FAM168A: variants seen among roughly 807,000 people sequenced by gnomAD.
FAM168A encodes family with sequence similarity 168 member A, also known as protein FAM168A.
FAM168A carries 3 observed loss-of-function variants against 28.5 expected under a neutral mutation model. That is an observed-to-expected ratio of 0.11 (90% CI 0.05 to 0.27). The LOEUF (loss-of-function observed/expected upper bound fraction) is 0.27. FAM168A is among the 10% of genes least tolerant of loss of function. The pLI is 1.00. For missense variants in FAM168A, 222 were observed against 311.5 expected (o/e 0.71, Z 2.16); for synonymous variants, 122 against 124.2 (o/e 0.98, Z 0.12).
chr11:73,489,028 G>A (rs1868092692), intron 1 of FAM168A, among the ~76,000 whole-genome samples: 1 of 151,722 alleles, frequency 6.6e-6, no homozygotes, highest in Admixed American at 6.6e-5. Flanking sequence ...AGCTGGGACT[G>A]TAAGTGTATG....
intron 2 of FAM168A, among the ~76,000 whole-genome samples, chr11:73,438,854 T>C (rs142594161): frequency 6.6e-6 from 1 of 152,274 alleles, no homozygotes; most frequent in East Asian, 1.9e-4. Flanking sequence ...AATCTGATCC[T>C]GAGCACAAAA....
chr11:73,574,458 C>T (rs1944146264), intron 1 of FAM168A, among the ~76,000 whole-genome samples: 1 of 152,160 alleles, frequency 6.6e-6, no homozygotes, highest in African/African-American at 2.4e-5. Flanking sequence ...TATCTAACTG[C>T]CCCTTAAACA....
At chr11:73,502,050 G>A (rs1440038130) in intron 1 of FAM168A, among the ~76,000 whole-genome samples, 1 of 149,364 alleles carries the variant, frequency 6.7e-6, no homozygotes, top group African/African-American at 2.5e-5. Flanking sequence ...GCAGTGAGCT[G>A]AGATTGCACC....
At chr11:73,503,804 A>G (rs1309178419) in intron 1 of FAM168A, among the ~76,000 whole-genome samples, 1 of 152,212 alleles carries the variant, frequency 6.6e-6, no homozygotes, top group Non-Finnish European at 1.5e-5. Flanking sequence ...TGCTACCAAA[A>G]CATAGAGACC....
intron 1 of FAM168A, among the ~76,000 whole-genome samples, chr11:73,527,642 G>C (rs903130075): frequency 6.6e-6 from 1 of 152,058 alleles, no homozygotes; most frequent in African/African-American, 2.4e-5. Context: ...ATTTTAATGA[G>C]AAAACTGAGG....
chr11:73,457,723 C>CAAAAAA (rs58142151), intron 2 of FAM168A, among the ~76,000 whole-genome samples: 203 of 37,414 alleles, frequency 5.4e-3, no homozygotes, highest in Admixed American at 7.0e-3. Context: ...GCCTGGGTGA[C>CAAAAAA]AAAAAAAAAA....
At chr11:73,416,943 C>T (rs1423826071) in intron 4 of FAM168A, among the ~76,000 whole-genome samples, 1 of 151,090 alleles carries the variant, frequency 6.6e-6, no homozygotes, top group East Asian at 1.9e-4. Flanking sequence ...AAGACCTTGT[C>T]TCAAAAAAAA....
At chr11:73,492,156 C>T (rs1868136460) in intron 1 of FAM168A, among the ~76,000 whole-genome samples, 1 of 152,084 alleles carries the variant, frequency 6.6e-6, no homozygotes, top group African/African-American at 2.4e-5. Context: ...ACGCCAAGCC[C>T]AATGTTCCTC....
chr11:73,554,467 A>G (rs1324467893), intron 1 of FAM168A, among the ~76,000 whole-genome samples: 2 of 151,894 alleles, frequency 1.3e-5, no homozygotes, highest in African/African-American at 4.8e-5. Context: ...AATAAATAGA[A>G]AAAAAACTTC....
intron 1 of FAM168A, among the ~76,000 whole-genome samples, chr11:73,573,495 A>G (rs550484968): frequency 2.9e-4 from 44 of 152,218 alleles, no homozygotes; most frequent in African/African-American, 1.0e-3. Context: ...TCTCATTTCC[A>G]CTATGCAGTT....
intron 4 of FAM168A, among the ~76,000 whole-genome samples, chr11:73,414,314 A>G (rs1866664336): frequency 6.6e-6 from 1 of 152,218 alleles, no homozygotes; most frequent in South Asian, 2.1e-4. Flanking sequence ...ACTGACAGAG[A>G]GCATATGGCC....
chr11:73,475,714 T>G (rs1177292516), intron 1 of FAM168A, among the ~76,000 whole-genome samples: 1 of 151,962 alleles, frequency 6.6e-6, no homozygotes, highest in East Asian at 1.9e-4. Flanking sequence ...TTAAGAACAG[T>G]GAAAATCCAT....
chr11:73,580,751 G>A (rs1429074044), intron 1 of FAM168A, among the ~76,000 whole-genome samples: 1 of 152,222 alleles, frequency 6.6e-6, no homozygotes, highest in Non-Finnish European at 1.5e-5. Flanking sequence ...CCAGTTTTGA[G>A]AGACTTCCTC....
chr11:73,538,683 GA>G (rs1943613671), intron 1 of FAM168A, among the ~76,000 whole-genome samples: 1 of 152,214 alleles, frequency 6.6e-6, no homozygotes, highest in African/African-American at 2.4e-5. Flanking sequence ...GCTTGTCAAA[GA>G]GCCTAAAACC....
intron 1 of FAM168A, among the ~76,000 whole-genome samples, chr11:73,493,557 C>T (rs912194308): frequency 2.0e-5 from 3 of 151,964 alleles, no homozygotes; most frequent in Admixed American, 6.6e-5. Context: ...CTGGGTCTAC[C>T]GACGTGTGCC....
intron 2 of FAM168A, among the ~76,000 whole-genome samples, chr11:73,445,417 C>CTTTT (rs1565248223): frequency 1.1e-5 from 1 of 92,180 alleles, no homozygotes. Context: ...GTAAAAATGT[C>CTTTT]TCTTTTTTTT....
intron 1 of FAM168A, among the ~76,000 whole-genome samples, chr11:73,523,104 G>A (rs1303373149): frequency 3.3e-5 from 5 of 152,058 alleles, no homozygotes; most frequent in African/African-American, 1.2e-4. Context: ...AACATCACCA[G>A]CAAACACTCC....
intron 1 of FAM168A, among the ~76,000 whole-genome samples, chr11:73,576,211 C>A (rs1273922754): frequency 2.0e-5 from 3 of 152,162 alleles, no homozygotes; most frequent in Admixed American, 6.6e-5. Context: ...CACCTGCCAT[C>A]CCCAAACTGA....
At chr11:73,570,679 A>C (rs890105383) in intron 1 of FAM168A, among the ~76,000 whole-genome samples, 1 of 151,868 alleles carries the variant, frequency 6.6e-6, no homozygotes, top group Non-Finnish European at 1.5e-5. Flanking sequence ...GGCTGCAATG[A>C]ATCATGATCA....
Sources: allele counts gnomAD v4.1 joint callset (sites outside exome capture counted in the v4.1 genomes callset), GRCh38; gene constraint gnomAD v4.1.1; transcripts MANE v1.5; gene names NCBI Gene and HGNC (gene_info 2026-07-23, HGNC 2026-07-21).